FRMD4A: variants seen among roughly 807,000 people sequenced by gnomAD.
FRMD4A encodes FERM domain containing 4A, also known as FERM domain-containing protein 4A.
FRMD4A carries 29 observed loss-of-function variants against 129.1 expected under a neutral mutation model. That is an observed-to-expected ratio of 0.22 (90% CI 0.17 to 0.31). FRMD4A has a LOEUF of 0.31. Among genes scored for constraint, FRMD4A ranks in the 10% least tolerant of loss-of-function variants. The pLI, the probability that FRMD4A is intolerant of heterozygous loss-of-function variation, is 1.00. For missense variants in FRMD4A, 1,272 were observed against 1,375.8 expected (o/e 0.92, Z 1.19); for synonymous variants, 634 against 571.6 (o/e 1.11, Z -1.56).
chr10:13,868,124 C>T (rs1484421106), intron 2 of FRMD4A, among the ~76,000 whole-genome samples: 3 of 151,108 alleles, frequency 2.0e-5, no homozygotes, highest in Non-Finnish European at 2.9e-5. Flanking sequence ...CCACACTTCA[C>T]TTATACCAGG....
At chr10:14,035,812 C>T (rs540379210) in intron 2 of FRMD4A, among the ~76,000 whole-genome samples, 4 of 152,254 alleles carry the variant, frequency 2.6e-5, no homozygotes, top group African/African-American at 9.6e-5. Context: ...CACTAGTAAG[C>T]GAATCTCTGG....
intron 2 of FRMD4A, among the ~76,000 whole-genome samples, chr10:14,026,230 A>G (rs553414851): frequency 9.2e-5 from 14 of 152,228 alleles, no homozygotes; most frequent in Non-Finnish European, 1.6e-4. Flanking sequence ...TCGGGTATGA[A>G]CGGTTAAAAC....
intron 3 of FRMD4A, among the ~76,000 whole-genome samples, chr10:13,812,117 G>A (rs1488046564): frequency 6.6e-6 from 1 of 152,182 alleles, no homozygotes; most frequent in Middle Eastern, 3.4e-3. Context: ...TCTTGACCTC[G>A]TGATCTGCCT....
intron 2 of FRMD4A, among the ~76,000 whole-genome samples, chr10:13,945,982 T>C (rs1237013595): frequency 6.6e-6 from 1 of 152,202 alleles, no homozygotes; most frequent in East Asian, 1.9e-4. Context: ...ACACATTCCC[T>C]AGGAGTTGCC....
intron 2 of FRMD4A, among the ~76,000 whole-genome samples, chr10:14,329,546 A>G (rs1229321477): frequency 2.0e-5 from 3 of 152,178 alleles, no homozygotes; most frequent in Non-Finnish European, 4.4e-5. Context: ...AGCTGCTCCC[A>G]ACTCAGTAGC....
intron 3 of FRMD4A, among the ~76,000 whole-genome samples, chr10:13,849,418 T>G (rs777079689): frequency 2.0e-4 from 31 of 151,746 alleles, no homozygotes; most frequent in Non-Finnish European, 4.0e-4. Context: ...CTCCATATTC[T>G]CTGCTTGGCA....
intron 14 of FRMD4A, among the ~76,000 whole-genome samples, chr10:13,697,737 A>G (rs2086367408): frequency 6.6e-6 from 1 of 152,194 alleles, no homozygotes; most frequent in African/African-American, 2.4e-5. Context: ...GGGAGAGAAA[A>G]AAAAAGATTA....
chr10:14,164,795 C>G (rs914028140), intron 2 of FRMD4A, among the ~76,000 whole-genome samples: 15 of 152,218 alleles, frequency 9.9e-5, no homozygotes, highest in African/African-American at 3.6e-4. Context: ...TCAAGTTTGT[C>G]CAACCTGCAA....
At chr10:13,674,883 T>G (rs997630613) in intron 16 of FRMD4A, 28 bp downstream of exon 16, 12 of 1,611,666 alleles carry the variant, frequency 7.4e-6, no homozygotes, top group Admixed American at 5.0e-5. Flanking sequence ...AACACCAATT[T>G]CAACGGGATG....
intron 24 of FRMD4A, among the ~76,000 whole-genome samples, chr10:13,649,968 A>G (rs1006635966): frequency 3.3e-5 from 5 of 152,224 alleles, no homozygotes; most frequent in African/African-American, 1.2e-4. Context: ...AGAGCAGCTT[A>G]GCCCTGGGCA....
At chr10:14,006,013 C>T (rs947006102) in intron 2 of FRMD4A, among the ~76,000 whole-genome samples, 4 of 152,194 alleles carry the variant, frequency 2.6e-5, no homozygotes, top group African/African-American at 7.2e-5. Flanking sequence ...ACTGCTATTG[C>T]TTTACACTCC....
At position 13,654,411 on chromosome 10, in the gene FRMD4A, C is replaced by T; in HGVS notation, c.3050+5G>A. On this transcript the variant is annotated splice_donor_5th_base_variant and intron_variant, in intron 23 of 24. Coordinates refer to ENST00000357447, the MANE Select transcript of FRMD4A (RefSeq NM_018027.5). Reference sequence around the variant, plus strand: ...CACAGTGAAGAACATAGAAGGAGAACTCACCCAGTCTGCCAGGTTAGGATG... The same window carrying T: ...CACAGTGAAGAACATAGAAGGAGAATTCACCCAGTCTGCCAGGTTAGGATG... 3 of 1,578,370 alleles carry T rather than the reference C, an allele frequency of 1.9e-6. No individual in the cohort carries two copies. The highest frequency in any genetic ancestry group is 2.6e-6 in the Non-Finnish European group (3 of 1,147,322).
Position 13,970,451 on chromosome 10 carries a change from G to A in FRMD4A, c.46-111539C>T, listed in dbSNP as rs182564386. 2.4e-3 allele frequency among the ~76,000 whole-genome samples: 371 copies of A among 152,204 alleles called. 1 individual carries two copies. The highest frequency in any genetic ancestry group is 8.5e-3 in the African/African-American group (351 of 41,524). On this transcript the variant is annotated intron_variant, in intron 2 of 24. Coordinates refer to ENST00000357447, the MANE Select transcript of FRMD4A (RefSeq NM_018027.5). ...GGAGGAGGGGTGGAGCGAGGGGACG[G>A]GTGGTTTAGCCAGTGCGTTTTATTA...
At chr10:13,733,009 A>G (rs535236521) in intron 12 of FRMD4A, among the ~76,000 whole-genome samples, 1 of 152,274 alleles carries the variant, frequency 6.6e-6, no homozygotes, top group Admixed American at 6.5e-5. Context: ...TGGCATCTAG[A>G]TGTCCCAGCA....
At chr10:13,767,108 A>G (rs184909847) in intron 6 of FRMD4A, among the ~76,000 whole-genome samples, 1 of 152,096 alleles carries the variant, frequency 6.6e-6, no homozygotes, top group African/African-American at 2.4e-5. Flanking sequence ...CACCCCTGAA[A>G]GCCAAGTTCC....
chr10:13,664,805 G>A (rs186279851), intron 18 of FRMD4A, among the ~76,000 whole-genome samples: 1 of 151,906 alleles, frequency 6.6e-6, no homozygotes, highest in Non-Finnish European at 1.5e-5. Context: ...CAAACCTCTG[G>A]CTCAAGTAAT....
intron 2 of FRMD4A, among the ~76,000 whole-genome samples, chr10:13,940,926 G>T (rs946370975): frequency 1.3e-5 from 2 of 152,186 alleles, no homozygotes; most frequent in Admixed American, 6.5e-5. Flanking sequence ...GCCAGGCTAG[G>T]ATTCATTCTC....
chr10:14,104,920 C>T (rs553269161), intron 2 of FRMD4A, among the ~76,000 whole-genome samples: 1 of 152,260 alleles, frequency 6.6e-6, no homozygotes, highest in African/African-American at 2.4e-5. Flanking sequence ...CCCTTAGATA[C>T]CTTCAAGGGC....
At chr10:14,230,071 A>T (rs1843585211) in intron 2 of FRMD4A, among the ~76,000 whole-genome samples, 1 of 152,216 alleles carries the variant, frequency 6.6e-6, no homozygotes. Flanking sequence ...GCTTCTTATA[A>T]ATAGTTACTA....
Sources: allele counts gnomAD v4.1 joint callset (sites outside exome capture counted in the v4.1 genomes callset), GRCh38; gene constraint gnomAD v4.1.1; transcripts MANE v1.5; gene names NCBI Gene and HGNC (gene_info 2026-07-23, HGNC 2026-07-21).